The following KIAA1958 variants were observed in gnomAD, a reference collection of about 807,000 sequenced individuals.
The protein encoded by KIAA1958 is KIAA1958.
KIAA1958 carries 14 observed loss-of-function variants against 47.2 expected under a neutral mutation model. The observed-to-expected ratio is 0.30, with a 90% CI of 0.20 to 0.46. The LOEUF (loss-of-function observed/expected upper bound fraction) is 0.46, where lower values mean the gene tolerates loss of function less well. Among genes scored for constraint, KIAA1958 ranks in the 20% least tolerant of loss-of-function variants. KIAA1958 has a pLI of 1.00. For synonymous variants in KIAA1958, 354 were observed against 353.3 expected (o/e 1.00, Z -0.02); for missense variants, 803 against 909.2 (o/e 0.88, Z 1.50).
intron 2 of KIAA1958, among the ~76,000 whole-genome samples, chr9:112,611,655 C>T (rs1201590315): frequency 6.6e-6 from 1 of 151,938 alleles, no homozygotes; most frequent in African/African-American, 2.4e-5. Context: ...ATAAGTATGT[C>T]AGGTTTTCCT....
chr9:112,564,547 ATCC>A (rs1403040485), intron 1 of KIAA1958, among the ~76,000 whole-genome samples: 17 of 152,188 alleles, frequency 1.1e-4, no homozygotes, highest in Non-Finnish European at 5.9e-5. Flanking sequence ...AAGTGACATA[ATCC>A]TTTCATACCT....
chr9:112,519,908 G>A (rs781276736), intron 1 of KIAA1958, among the ~76,000 whole-genome samples: 4 of 152,142 alleles, frequency 2.6e-5, no homozygotes, highest in Admixed American at 2.0e-4. Flanking sequence ...TTCAGTAAGT[G>A]CTGATATAAA....
chr9:112,535,461 AT>A (rs1055144170), intron 1 of KIAA1958, among the ~76,000 whole-genome samples: 19 of 149,260 alleles, frequency 1.3e-4, no homozygotes, highest in Admixed American at 2.7e-4. Context: ...TAAATATACC[AT>A]TTTTTTTTTA....
rs1169530471 is a variant in KIAA1958 at position 112,575,060 on chromosome 9, C to T, written c.980C>T (p.Ala327Val). ...PNKQISIPLSALQLPGQDEQV... is the reference protein window; with the variant it reads ...PNKQISIPLSVLQLPGQDEQV... ...AAACAGATCAGTATCCCCTTGTCTG[C>T]CCTGCAGCTGCCTGGACAGGATGAG... Residue 327 changes from alanine (A) to valine (V), a missense_variant, in exon 2 of 4, where the codon GCC becomes GTC. This residue lies in a region of KIAA1958 where 761 missense variants were observed against 829.3 expected (regional missense o/e 0.92). Coordinates refer to ENST00000337530, the MANE Select transcript of KIAA1958 (RefSeq NM_133465.4). 4.3e-6 allele frequency: 7 copies of T among 1,613,660 alleles called. No homozygotes were observed. Among genetic ancestry groups the T allele is most frequent in the Non-Finnish European group, 5.9e-6 (7 of 1,180,030 alleles).
At chr9:112,655,114 T>A (rs1210570252) in intron 3 of KIAA1958, among the ~76,000 whole-genome samples, 1 of 152,252 alleles carries the variant, frequency 6.6e-6, no homozygotes. Context: ...CACTTCATTG[T>A]AGTAAGAGGA....
intron 1 of KIAA1958, among the ~76,000 whole-genome samples, chr9:112,489,474 G>T (rs372857299): frequency 4.2e-5 from 6 of 141,460 alleles, no homozygotes; most frequent in Non-Finnish European, 4.6e-5. Context: ...ATGTTTTTGT[G>T]TTTTTTTTTT....
chr9:112,605,092 G>A (rs969381793), intron 2 of KIAA1958, among the ~76,000 whole-genome samples: 3 of 149,186 alleles, frequency 2.0e-5, no homozygotes, highest in Non-Finnish European at 4.4e-5. Context: ...TATTTAGAGA[G>A]AGAGAGAAGC....
intron 2 of KIAA1958, among the ~76,000 whole-genome samples, chr9:112,578,453 C>T (rs1385794035): frequency 1.3e-5 from 2 of 152,100 alleles, no homozygotes; most frequent in African/African-American, 4.8e-5. Context: ...GAGTCTTTAT[C>T]AGATCATTGC....
chr9:112,538,821 G>T, intron 1 of KIAA1958, among the ~76,000 whole-genome samples: 1 of 152,258 alleles, frequency 6.6e-6, no homozygotes, highest in Admixed American at 6.5e-5. Flanking sequence ...CTTACTGTGT[G>T]CCAGGCACTC....
At chr9:112,600,860 C>T (rs1421943133) in intron 2 of KIAA1958, among the ~76,000 whole-genome samples, 1 of 152,142 alleles carries the variant, frequency 6.6e-6, no homozygotes, top group Non-Finnish European at 1.5e-5. Flanking sequence ...CTTATATGTC[C>T]AACACTGAGC....
intron 2 of KIAA1958, among the ~76,000 whole-genome samples, chr9:112,640,369 A>T (rs181326487): frequency 6.6e-6 from 1 of 152,170 alleles, no homozygotes; most frequent in Admixed American, 6.5e-5. Flanking sequence ...GTGCCATGCA[A>T]TTGCCTCTTG....
intron 1 of KIAA1958, among the ~76,000 whole-genome samples, chr9:112,546,413 C>T (rs981975466): frequency 6.6e-6 from 1 of 151,946 alleles, no homozygotes; most frequent in Non-Finnish European, 1.5e-5. Context: ...TAAGAAAAAC[C>T]ATAAAAATAG....
intron 2 of KIAA1958, among the ~76,000 whole-genome samples, chr9:112,617,286 A>T (rs570660018): frequency 2.9e-4 from 44 of 152,360 alleles, no homozygotes; most frequent in Admixed American, 2.5e-3. Flanking sequence ...AATGCCCTGC[A>T]ATTACATGCA....
rs1208644883 is a variant in KIAA1958 at position 112,618,598 on chromosome 9, C to T, written c.1172-27052C>T. 5.8e-6 allele frequency: 9 copies of T among 1,550,568 alleles called. No homozygotes were observed. In the Admixed American group the frequency reaches 5.9e-5, roughly 10 times the overall value. ...AGCGGCGGCCTCCCGCCATGCGCTA[C>T]GAGGATGCCCCTTTCTACTTATCCA... is the stretch of plus-strand genomic sequence containing the variant. On this transcript the variant is annotated intron_variant, in intron 2 of 3. Coordinates refer to ENST00000337530, the MANE Select transcript of KIAA1958 (RefSeq NM_133465.4). The surrounding 1 kb of genome is among the most constrained non-coding windows in gnomAD (Gnocchi z 7.1).
rs60835407 is a variant in KIAA1958, at chr9:112,563,065, G to C, written c.-24-10992G>C. 8.3e-4 allele frequency among the ~76,000 whole-genome samples: 105 copies of C among 126,618 alleles called. No individual in the cohort carries two copies. The Middle Eastern group carries it at 0.017, about 20-fold the overall frequency. The allele number at this position is 126,618 out of a possible 152,430, so 83.1% of individuals were successfully genotyped here. A position where few individuals can be genotyped will look rare whatever the true frequency, so the allele number is the denominator to read the frequency against. ...TCTTTCTCTCTCTCTCTCTGTCTCT[G>C]TCTCTCTCTCTCTCTCTCTCTATAT... On this transcript the variant is annotated intron_variant, in intron 1 of 3. Transcript: ENST00000337530.
At chr9:112,614,150 T>C (rs2676625) in intron 2 of KIAA1958, among the ~76,000 whole-genome samples, 145,467 of 152,270 alleles carry the variant, frequency 0.96, 69,553 homozygotes, top group African/African-American at 0.99. Flanking sequence ...GCAAAAGAAG[T>C]CAGACACAAA....
chr9:112,516,782 T>A (rs1431807990), intron 1 of KIAA1958, among the ~76,000 whole-genome samples: 1 of 152,228 alleles, frequency 6.6e-6, no homozygotes, highest in Non-Finnish European at 1.5e-5. Context: ...AAATTAAATT[T>A]AACAGAATTT....
At chr9:112,637,658 G>T (rs1315660735) in intron 2 of KIAA1958, among the ~76,000 whole-genome samples, 1 of 152,050 alleles carries the variant, frequency 6.6e-6, no homozygotes, top group Non-Finnish European at 1.5e-5. Context: ...TTACAGGCAT[G>T]AGCCACTGCA....
intron 1 of KIAA1958, among the ~76,000 whole-genome samples, chr9:112,497,285 T>C (rs1188482600): frequency 2.0e-5 from 3 of 152,110 alleles, no homozygotes; most frequent in Non-Finnish European, 2.9e-5. Flanking sequence ...TTTAAAAAGG[T>C]GATTAAGTTA....
Sources: allele counts gnomAD v4.1 joint callset (sites outside exome capture counted in the v4.1 genomes callset), GRCh38; gene constraint gnomAD v4.1.1; regional missense constraint gnomAD v4.1.1; non-coding constraint Gnocchi (gnomAD v3.1); transcripts MANE v1.5; gene names NCBI Gene and HGNC (gene_info 2026-07-23, HGNC 2026-07-21).